Variants in TAFA2 observed in about 807,000 individuals in gnomAD.
The protein encoded by TAFA2 is chemokine-like protein TAFA-2.
A neutral mutation model predicts 18.8 loss-of-function variants in TAFA2; 7 were observed. That is an observed-to-expected ratio of 0.37 (90% confidence interval 0.21 to 0.70). The LOEUF (loss-of-function observed/expected upper bound fraction) is 0.70. Ranked by LOEUF, TAFA2 falls within the 30% of genes least tolerant of loss-of-function variation. The pLI, the probability that TAFA2 is intolerant of heterozygous loss-of-function variation, is 0.53. For missense variants in TAFA2, 122 were observed against 158.1 expected, an observed-to-expected ratio of 0.77 and a Z score of 1.23; for synonymous variants, 60 against 54.2, an observed-to-expected ratio of 1.11 and a Z score of -0.47.
intron 1 of TAFA2, among the ~76,000 whole-genome samples, chr12:61,991,281 G>GTT (rs1230740969): frequency 2.0e-5 from 3 of 152,204 alleles, no homozygotes; most frequent in Non-Finnish European, 4.4e-5. Flanking sequence ...ACGGTGCATT[G>GTT]TAAGTCTACC....
chr12:61,826,530 T>A (rs1872542624), intron 2 of TAFA2, among the ~76,000 whole-genome samples: 1 of 152,160 alleles, frequency 6.6e-6, no homozygotes, highest in East Asian at 1.9e-4. Context: ...AGAATCTATG[T>A]CATTCAAAAA....
intron 1 of TAFA2, among the ~76,000 whole-genome samples, chr12:62,094,126 C>CCCCATT: frequency 6.6e-6 from 1 of 152,126 alleles, no homozygotes; most frequent in East Asian, 1.9e-4. Flanking sequence ...AGCTAATGTT[C>CCCCATT]CCCATTCTTC....
At chr12:61,771,166 G>A (rs1399702897) in intron 2 of TAFA2, among the ~76,000 whole-genome samples, 1 of 151,960 alleles carries the variant, frequency 6.6e-6, no homozygotes, top group Admixed American at 6.6e-5. Context: ...ATCATATAAT[G>A]AGAAAAAAGA....
chr12:61,785,712 T>C (rs1870709810), intron 2 of TAFA2, among the ~76,000 whole-genome samples: 1 of 151,452 alleles, frequency 6.6e-6, no homozygotes, highest in African/African-American at 2.4e-5. Context: ...ACATGTTGAA[T>C]CTGAGACAGG....
intron 1 of TAFA2, among the ~76,000 whole-genome samples, chr12:62,164,978 A>G (rs1017353942): frequency 6.6e-6 from 1 of 152,144 alleles, no homozygotes; most frequent in African/African-American, 2.4e-5. Flanking sequence ...CCAAAGCTAC[A>G]AAGCTTGTTA....
intron 4 of TAFA2, among the ~76,000 whole-genome samples, chr12:61,744,752 T>G (rs551817606): frequency 4.4e-4 from 67 of 152,126 alleles, no homozygotes; most frequent in Non-Finnish European, 8.1e-4. Flanking sequence ...GGTCTCACTA[T>G]GTTGCCCATG....
intron 1 of TAFA2, among the ~76,000 whole-genome samples, chr12:62,102,152 G>T (rs1486072639): frequency 6.6e-6 from 1 of 152,182 alleles, no homozygotes; most frequent in Non-Finnish European, 1.5e-5. Flanking sequence ...CATTATACTT[G>T]TGCTTTGTCC....
intron 1 of TAFA2, among the ~76,000 whole-genome samples, chr12:62,104,480 A>G (rs1869356638): frequency 6.6e-6 from 1 of 152,210 alleles, no homozygotes; most frequent in African/African-American, 2.4e-5. Flanking sequence ...TAAAAACAAA[A>G]TCTTTTCCCA....
At chr12:62,028,963 C>T (rs1004820486) in intron 1 of TAFA2, among the ~76,000 whole-genome samples, 2 of 152,050 alleles carry the variant, frequency 1.3e-5, no homozygotes, top group African/African-American at 2.4e-5. Context: ...ATTATTTTTA[C>T]TTTTTCAAGT....
At chr12:61,936,395 T>G (rs2121406566) in intron 1 of TAFA2, among the ~76,000 whole-genome samples, 1 of 152,002 alleles carries the variant, frequency 6.6e-6, no homozygotes, top group South Asian at 2.1e-4. Flanking sequence ...GGTGAAACCC[T>G]GTCTCTAACT....
intron 1 of TAFA2, among the ~76,000 whole-genome samples, chr12:62,015,307 C>T (rs920023546): frequency 6.6e-6 from 1 of 152,122 alleles, no homozygotes; most frequent in Admixed American, 6.5e-5. Context: ...GCATCTAAAA[C>T]ATAACAGGTA....
intron 1 of TAFA2, among the ~76,000 whole-genome samples, chr12:62,134,027 C>T (rs1383230008): frequency 1.3e-5 from 2 of 152,142 alleles, no homozygotes; most frequent in South Asian, 2.1e-4. Flanking sequence ...GAACCTCAAA[C>T]ACCTCACTCT....
At chr12:61,835,850 C>CT (rs951174070) in intron 2 of TAFA2, among the ~76,000 whole-genome samples, 11 of 151,856 alleles carry the variant, frequency 7.2e-5, no homozygotes, top group Non-Finnish European at 1.5e-4. Flanking sequence ...GTGTTAGACT[C>CT]TATTTTAAAC....
upstream of TAFA2, among the ~76,000 whole-genome samples, chr12:62,194,301 T>TCACACACACA (rs60670024): frequency 1.0e-3 from 146 of 146,034 alleles, 1 homozygote; most frequent in Middle Eastern, 3.4e-3. Flanking sequence ...GGCTTTCTTT[T>TCACACACACA]CACACACACA....
chr12:61,923,449 G>A (rs1877145041), intron 1 of TAFA2, among the ~76,000 whole-genome samples: 1 of 152,320 alleles, frequency 6.6e-6, no homozygotes, highest in South Asian at 2.1e-4. Flanking sequence ...CAGGAAAACA[G>A]TCTCTGGAGT....
chr12:62,026,100 T>C (rs77570912), intron 1 of TAFA2, among the ~76,000 whole-genome samples: 3,549 of 152,186 alleles, frequency 0.023, 134 homozygotes, highest in African/African-American at 0.081. Context: ...TTGGAAGAGC[T>C]TTCACATCAT....
At chr12:61,798,684 G>A (rs1871286224) in intron 2 of TAFA2, among the ~76,000 whole-genome samples, 1 of 152,178 alleles carries the variant, frequency 6.6e-6, no homozygotes, top group Admixed American at 6.5e-5. Context: ...AAAAACACAT[G>A]TGAAGTGAAG....
In TAFA2 at chr12:61,771,713, C is replaced by G. The variant is rs1870030358; in HGVS notation, c.107-16689G>C. 4.0e-5 allele frequency among the ~76,000 whole-genome samples: 6 copies of G among 151,754 alleles called. No individual in the cohort carries two copies. The South Asian group carries it at 1.2e-3, about 31-fold the overall frequency. ...ATAGTGACACAACCTAGCAAAACCTCTGGGATACAGCACAAGCAGTTCTAT... is the reference window on the plus strand; with the variant it reads ...ATAGTGACACAACCTAGCAAAACCTGTGGGATACAGCACAAGCAGTTCTAT... On this transcript the variant is annotated intron_variant, in intron 2 of 4. Coordinates refer to ENST00000416284, the MANE Select transcript of TAFA2 (RefSeq NM_178539.5).
chr12:61,762,632 T>TA (rs56369022), intron 2 of TAFA2, among the ~76,000 whole-genome samples: 67,112 of 148,338 alleles, frequency 0.45, 15,308 homozygotes, highest in Admixed American at 0.54. Context: ...AATTTCATTT[T>TA]TTATATATAT....
Sources: allele counts gnomAD v4.1 joint callset (sites outside exome capture counted in the v4.1 genomes callset), GRCh38; gene constraint gnomAD v4.1.1; transcripts MANE v1.5; gene names NCBI Gene and HGNC (gene_info 2026-07-23, HGNC 2026-07-21).